Variants in FBLN1 observed in about 807,000 individuals in gnomAD.
FBLN1 encodes fibulin 1.
FBLN1 carries 34 observed loss-of-function variants against 89.7 expected under a neutral mutation model. The observed-to-expected ratio is 0.38, with a 90% CI of 0.29 to 0.50. The LOEUF is 0.50. Among genes scored for constraint, FBLN1 ranks in the 20% least tolerant of loss-of-function variants. The pLI is 0.92. For missense variants in FBLN1, 777 were observed against 988.1 expected (o/e 0.79, Z 2.86); for synonymous variants, 393 against 391.3 (o/e 1.00, Z -0.05).
rs768280984 is a variant in FBLN1, at chr22:45,574,703, G to T, written c.1840+50G>T. On this transcript the variant is annotated intron_variant, in intron 15 of 16. Coordinates refer to ENST00000327858, the MANE Select transcript of FBLN1 (RefSeq NM_006486.3). This position sits in a 1 kb window ranked among gnomAD's most constrained non-coding sequence, Gnocchi z 4.1. ...CCAGGGCCCCCTAGGGCCTCCCTCG[G>T]CTTCAGCTGAGGGCTTGGCCTACAG... is the stretch of plus-strand genomic sequence containing the variant. The T allele has an allele frequency of 6.4e-7, 1 of 1,573,732 alleles. No individual in the cohort carries two copies. The highest frequency in any genetic ancestry group is 8.7e-7 in the Non-Finnish European group (1 of 1,152,572).
intron 14 of FBLN1, chr22:45,558,223 C>G: frequency 1.7e-6 from 1 of 578,962 alleles, no homozygotes; most frequent in Admixed American, 2.6e-5. Flanking sequence ...ACGTATATAC[C>G]ACTTCCATTT....
Position 45,578,693 on chromosome 22 carries a change from C to CG in FBLN1, c.1972+1586dup, listed in dbSNP as rs1421680462. 6.6e-6 allele frequency among the ~76,000 whole-genome samples: 1 copy of CG among 152,234 alleles called. No individual in the cohort carries two copies. Among genetic ancestry groups the CG allele is most frequent in the Non-Finnish European group, 1.5e-5 (1 of 68,042 alleles). ...CTGACACTGGCCCACAGCCGCCCCCCGCCCCAAAGGGGCCAGCCCTGTGCT... is the reference window on the plus strand; with the variant it reads ...CTGACACTGGCCCACAGCCGCCCCCCGGCCCCAAAGGGGCCAGCCCTGTGCT... On this transcript the variant is annotated intron_variant, in intron 16 of 16. Coordinates refer to ENST00000327858, the MANE Select transcript of FBLN1 (RefSeq NM_006486.3). The surrounding 1 kb of genome is among the most constrained non-coding windows in gnomAD (Gnocchi z 4.6).
rs930489648 is a variant in FBLN1 at position 45,572,777 on chromosome 22, G to A, written c.1698-1734G>A. Among the ~76,000 whole-genome samples the A allele has an allele frequency of 2.0e-5, 3 of 152,236 alleles. No homozygotes were observed. Among genetic ancestry groups the A allele is most frequent in the Admixed American group, 6.5e-5 (1 of 15,292 alleles). On this transcript the variant is annotated intron_variant, in intron 14 of 16. Coordinates refer to ENST00000327858, the MANE Select transcript of FBLN1 (RefSeq NM_006486.3). The surrounding 1 kb of genome is among the most constrained non-coding windows in gnomAD (Gnocchi z 5.8). The stretch of plus-strand genomic sequence containing the variant: ...CTTGCCAAAGGGACCGGGCCTGCAT[G>A]GGATCAGGCCTCTGGATCTGGCTGC...
intron 2 of FBLN1, among the ~76,000 whole-genome samples, chr22:45,525,200 A>G (rs1438463976): frequency 7.0e-6 from 1 of 143,134 alleles, no homozygotes; most frequent in African/African-American, 2.5e-5. Context: ...AGAGAGAAAG[A>G]GAGAAAGAAA....
intron 3 of FBLN1, 146 bp downstream of exon 3, chr22:45,525,824 G>A: frequency 8.8e-7 from 1 of 1,136,912 alleles, no homozygotes; most frequent in Non-Finnish European, 1.3e-6. Flanking sequence ...TGGGCCAGGA[G>A]GGAGGTGGAA....
chr22:45,522,966 T>C (rs2146956018), intron 2 of FBLN1: 1 of 523,632 alleles, frequency 1.9e-6, no homozygotes. Flanking sequence ...GGCGGCATTC[T>C]ATAGGGGATG....
rs995118695 is a variant in FBLN1 at position 45,579,407 on chromosome 22, G to A, written c.1972+2299G>A. Among the ~76,000 whole-genome samples, 4 of 152,244 alleles carry A rather than the reference G, an allele frequency of 2.6e-5. No homozygotes were observed. Among genetic ancestry groups the A allele is most frequent in the Non-Finnish European group, 4.4e-5 (3 of 68,042 alleles). On this transcript the variant is annotated intron_variant, in intron 16 of 16. Transcript: ENST00000327858. The surrounding 1 kb of genome is among the most constrained non-coding windows in gnomAD (Gnocchi z 5.5). ...GAGAGATGATCACAGGTGCCGTCCCGGCAGCGGGCTTCTGGGAACGGAATG... is the reference window on the plus strand; with the variant it reads ...GAGAGATGATCACAGGTGCCGTCCCAGCAGCGGGCTTCTGGGAACGGAATG...
Position 45,525,536 on chromosome 22 carries a change from C to T in FBLN1, c.186-7C>T. On this transcript the variant is annotated splice_region_variant and splice_polypyrimidine_tract_variant and intron_variant, in intron 2 of 16. Coordinates refer to ENST00000327858, the MANE Select transcript of FBLN1 (RefSeq NM_006486.3). Reference sequence around the variant, plus strand: ...GAGCCTTGGCCCAGCCCACCCCTCACCCACAGGATGGTGCAGGAGCAGTGC... The same window carrying T: ...GAGCCTTGGCCCAGCCCACCCCTCATCCACAGGATGGTGCAGGAGCAGTGC... 2 of 1,549,088 alleles carry T rather than the reference C, an allele frequency of 1.3e-6. No individual in the cohort carries two copies. The highest frequency in any genetic ancestry group is 1.7e-6 in the Non-Finnish European group (2 of 1,146,774).
Position 45,536,363 on chromosome 22 carries a change from G to A in FBLN1, c.922+1026G>A, listed in dbSNP as rs747178522. Reference sequence around the variant, plus strand: ...AGATGGATGGGGGTGATGGTGGCACGACAGTGTGAATGCAGTAATGCCCCT... The same window carrying A: ...AGATGGATGGGGGTGATGGTGGCACAACAGTGTGAATGCAGTAATGCCCCT... On this transcript the variant is annotated intron_variant, in intron 8 of 16. Coordinates refer to ENST00000327858, the MANE Select transcript of FBLN1 (RefSeq NM_006486.3). This position sits in a 1 kb window ranked among gnomAD's most constrained non-coding sequence, Gnocchi z 5.1. Among the ~76,000 whole-genome samples the A allele has an allele frequency of 6.6e-6, 1 of 152,100 alleles. No homozygotes were observed. Among genetic ancestry groups the A allele is most frequent in the Non-Finnish European group, 1.5e-5 (1 of 68,020 alleles).
Position 45,522,505 on chromosome 22 carries a change from T to C in FBLN1, c.186-3038T>C, listed in dbSNP as rs563718483. ...CCCAAAGGAGGGGGTATCAGCTCCC[T>C]GAGTGGGTGAGAGGCTCAGAGAGGA... On this transcript the variant is annotated intron_variant, in intron 2 of 16. Coordinates refer to ENST00000327858, the MANE Select transcript of FBLN1 (RefSeq NM_006486.3). Among the ~76,000 whole-genome samples the C allele has an allele frequency of 4.6e-5, 7 of 152,292 alleles. No homozygotes were observed. The South Asian group carries it at 1.2e-3, about 27-fold the overall frequency.
rs1328696675 is a variant in FBLN1, at chr22:45,502,957, C to A, written c.-29C>A. On this transcript the variant is annotated 5_prime_UTR_variant, in exon 1 of 17. Transcript: ENST00000327858. ...GGACCGCGCCCGCGCCTTTGTCCGC[C>A]GCCGCCCACCGCCCGTCGCCCGCCG... 1.9e-6 allele frequency: 2 copies of A among 1,059,092 alleles called. No homozygotes were observed. The highest frequency in any genetic ancestry group is 2.3e-6 in the Non-Finnish European group (2 of 866,306). The allele number at this position is 1,059,092 out of a possible 1,614,324, so 65.6% of individuals were successfully genotyped here. A position where few individuals can be genotyped will look rare whatever the true frequency, so the allele number is the denominator to read the frequency against.
intron 8 of FBLN1, among the ~76,000 whole-genome samples, chr22:45,535,829 G>A (rs1157921601): frequency 2.0e-5 from 3 of 152,250 alleles, no homozygotes; most frequent in African/African-American, 7.2e-5. Flanking sequence ...TGGTACACAG[G>A]AAGCACTCGG....
chr22:45,509,741 C>T (rs763149924), intron 1 of FBLN1, among the ~76,000 whole-genome samples: 6 of 151,936 alleles, frequency 3.9e-5, no homozygotes, highest in South Asian at 2.1e-4. Context: ...TGGGTGGAGT[C>T]GCCCAGTCCT....
rs2097484 is a variant in FBLN1, at chr22:45,558,149, G to A, written c.1697+7534G>A. ...GCAAGTTGGCAGGAGTGGAGACCAC[G>A]GGCATTTGAGCCACTTCCTCATGTA... On this transcript the variant is annotated intron_variant, in intron 14 of 16. Coordinates refer to ENST00000327858, the MANE Select transcript of FBLN1 (RefSeq NM_006486.3). The A allele has an allele frequency of 0.55, 392,427 of 712,626 alleles. 108,753 individuals carry two copies. Among genetic ancestry groups the A allele is most frequent in the Middle Eastern group, 0.62 (2,015 of 3,270 alleles). The allele number at this position is 712,626 out of a possible 1,614,324, so 44.1% of individuals were successfully genotyped here. A position where few individuals can be genotyped will look rare whatever the true frequency, so the allele number is the denominator to read the frequency against.
Position 45,568,584 on chromosome 22 carries a change from C to CTT in FBLN1, c.1698-5927_1698-5926insTT, listed in dbSNP as rs1555959959. Among the ~76,000 whole-genome samples, 832 of 98,286 alleles carry CTT rather than the reference C, an allele frequency of 8.5e-3. 294 individuals are homozygous for CTT. Among genetic ancestry groups the CTT allele is most frequent in the Middle Eastern group, 0.027 (5 of 184 alleles). 64.5% of individuals were successfully genotyped at this position (98,286 alleles called of 152,430 possible). A position where few individuals can be genotyped will look rare whatever the true frequency, so the allele number is the denominator to read the frequency against. On this transcript the variant is annotated intron_variant, in intron 14 of 16. Transcript: ENST00000327858. ...CATGCTCCTTCTGTAGGAGAATGCTCCTGTAGGGGAATGCTCCTTCTGTAA... is the reference window on the plus strand; with the variant it reads ...CATGCTCCTTCTGTAGGAGAATGCTCTTCTGTAGGGGAATGCTCCTTCTGTAA...
At chr22:45,589,490 A>C (rs1302380561) in intron 16 of FBLN1, among the ~76,000 whole-genome samples, 1 of 152,226 alleles carries the variant, frequency 6.6e-6, no homozygotes, top group Non-Finnish European at 1.5e-5. Flanking sequence ...CTCTGGGATG[A>C]TGGCCTGGAA....
intron 14 of FBLN1, among the ~76,000 whole-genome samples, chr22:45,567,139 T>C (rs571896230): frequency 1.3e-5 from 2 of 152,348 alleles, no homozygotes; most frequent in African/African-American, 2.4e-5. Flanking sequence ...TCTGATCCCC[T>C]GTCCTCCACT....
rs2147010883 is a variant in FBLN1 at position 45,561,623 on chromosome 22, A to C, written c.1697+11008A>C. Among the ~76,000 whole-genome samples, 1 of 152,310 alleles carries C rather than the reference A, an allele frequency of 6.6e-6. No individual in the cohort carries two copies. The highest frequency in any genetic ancestry group is 1.5e-5 in the Non-Finnish European group (1 of 68,022). On this transcript the variant is annotated intron_variant, in intron 14 of 16. Coordinates refer to ENST00000327858, the MANE Select transcript of FBLN1 (RefSeq NM_006486.3). This position sits in a 1 kb window ranked among gnomAD's most constrained non-coding sequence, Gnocchi z 4.7. ...AGCCAACCCCAGAAACCCCAAAACC[A>C]ATGAAAGAACTCCATCTTTAATATT...
At position 45,599,560 on chromosome 22, in the gene FBLN1, G is replaced by A. The variant is rs566211077; in HGVS notation, c.1973-747G>A. ...CAGAACTGGGCACAGGGGGTTGGAA[G>A]GAGGGAGAAAGATGTCTATCAGGTA... On this transcript the variant is annotated intron_variant, in intron 16 of 16. Coordinates refer to ENST00000327858, the MANE Select transcript of FBLN1 (RefSeq NM_006486.3). Among the ~76,000 whole-genome samples the A allele has an allele frequency of 1.4e-3, 206 of 152,232 alleles. 1 individual carries two copies. Among genetic ancestry groups the A allele is most frequent in the African/African-American group, 4.7e-3 (194 of 41,536 alleles).
Sources: gnomAD v4.1 joint callset for allele counts (sites outside exome capture counted in the v4.1 genomes callset) on GRCh38, gnomAD v4.1.1 for gene constraint, Gnocchi (gnomAD v3.1) non-coding constraint, MANE v1.5 for transcripts, NCBI Gene and HGNC (gene_info 2026-07-23, HGNC 2026-07-21) for gene names.